Variants in FAM186B observed in about 807,000 individuals in gnomAD.
FAM186B encodes the protein family with sequence similarity 186 member B.
FAM186B carries 68 observed loss-of-function variants against 83.4 expected under a neutral mutation model. That is an observed-to-expected ratio of 0.81 (90% CI 0.67 to 1.00). The LOEUF is 1.00. Ranked by LOEUF, FAM186B falls within the 50% of genes least tolerant of loss-of-function variation. The pLI, the probability that FAM186B is intolerant of heterozygous loss-of-function variation, is 0.00. For missense variants in FAM186B, 983 were observed against 1,099.2 expected (o/e 0.89, Z 1.49); for synonymous variants, 389 against 422.0 (o/e 0.92, Z 0.96).
chr12:49,612,449 G>A, the FAM186B span, among the ~76,000 whole-genome samples: 23 of 151,336 alleles, frequency 1.5e-4, no homozygotes, highest in Non-Finnish European at 2.8e-4. Flanking sequence ...TGACCCATGG[G>A]CTGCATGTGG....
chr12:49,598,720 G>A, intron 5 of FAM186B, 35 bp downstream of exon 5: 1 of 1,534,506 alleles, frequency 6.5e-7, no homozygotes, highest in Non-Finnish European at 8.8e-7. Context: ...ACCCCAGGAG[G>A]CGGAGTGGCG....
At chr12:49,584,197 T>C (rs1046470287), downstream of FAM186B, 31 of 342,106 alleles carry the variant, frequency 9.1e-5, no homozygotes, top group African/African-American at 6.2e-4. Flanking sequence ...CTCGGCATGT[T>C]TGCTCCCAAA....
chr12:49,609,343 C>G (rs1294352947), upstream of FAM186B, among the ~76,000 whole-genome samples: 1 of 152,190 alleles, frequency 6.6e-6, no homozygotes, highest in Non-Finnish European at 1.5e-5. Context: ...GATCAGCAGC[C>G]TGAGCTGCCC....
chr12:49,598,364 G>A (rs1939775749), intron 5 of FAM186B, among the ~76,000 whole-genome samples: 1 of 152,196 alleles, frequency 6.6e-6, no homozygotes. Context: ...TGTGCACCAA[G>A]CCTGGAGAGC....
At chr12:49,587,490 C>A (rs970104085), downstream of FAM186B, 7 of 1,436,936 alleles carry the variant, frequency 4.9e-6, no homozygotes, top group Admixed American at 1.0e-4. Context: ...TGTGGGATAG[C>A]AAATGAGGTC....
At chr12:49,609,705 C>A (rs1319705118), upstream of FAM186B, among the ~76,000 whole-genome samples, 2 of 152,196 alleles carry the variant, frequency 1.3e-5, no homozygotes, top group Non-Finnish European at 2.9e-5. Flanking sequence ...GAACTTGGGG[C>A]CAAGGAGGTT....
the FAM186B span, chr12:49,619,338 C>CTG: frequency 2.7e-6 from 1 of 367,984 alleles, no homozygotes; most frequent in Non-Finnish European, 4.9e-6. Context: ...ATCACTGTGT[C>CTG]AACAAATACA....
Position 49,599,546 on chromosome 12 carries a change from G to A in FAM186B, c.2094C>T (p.Thr698=), listed in dbSNP as rs772671883. 9.9e-6 allele frequency: 16 copies of A among 1,610,158 alleles called. No homozygotes were observed. Among genetic ancestry groups the A allele is most frequent in the South Asian group, 8.8e-5 (8 of 90,474 alleles). ...LRSKALELTT[T]TMELGALRLQ... ...GCCTGAGCGCGCCCAGCTCCATGGT[G>A]GTGGTGGTGAGCTCCAGTGCTTTGC... is the stretch of plus-strand genomic sequence containing the variant. The change falls in exon 4 of 7, where the codon ACC becomes ACT. Residue 698 remains threonine (T), a synonymous_variant. Transcript: ENST00000257894.
rs1372000919 is a variant in FAM186B at position 49,600,851 on chromosome 12, G to C, written c.789C>G (p.His263Gln). Residue 263 changes from histidine to glutamine, a missense_variant, in exon 4 of 7, where the codon CAC becomes CAG. Physicochemically the swap from His to Gln is conservative, Grantham distance 24. Transcript: ENST00000257894. This position sits in a 1 kb window ranked among gnomAD's most constrained non-coding sequence, Gnocchi z 4.3. ...GCTCTTTGGTCGCCTGCATTTGCAGGTGCCTGTATTTGGTCTCCAGGCTCC... is the reference window on the plus strand; with the variant it reads ...GCTCTTTGGTCGCCTGCATTTGCAGCTGCCTGTATTTGGTCTCCAGGCTCC... ...ENRSLETKYR[H>Q]LQMQATKELS... The C allele has an allele frequency of 1.2e-6, 2 of 1,612,784 alleles. No individual in the cohort carries two copies. The highest frequency in any genetic ancestry group is 3.4e-5 in the Admixed American group (2 of 59,690).
downstream of FAM186B, among the ~76,000 whole-genome samples, chr12:49,587,043 C>T (rs1367111197): frequency 2.0e-5 from 3 of 152,160 alleles, no homozygotes; most frequent in Non-Finnish European, 4.4e-5. Flanking sequence ...TTAAAAGAGC[C>T]TTGAGCCTCC....
the FAM186B span, among the ~76,000 whole-genome samples, chr12:49,617,573 T>TA: frequency 2.6e-5 from 4 of 152,162 alleles, no homozygotes; most frequent in African/African-American, 4.8e-5. Flanking sequence ...TTAGTACACA[T>TA]TTACATTATA....
At chr12:49,589,467 C>T (rs1939528972) in intron 5 of FAM186B, among the ~76,000 whole-genome samples, 1 of 152,200 alleles carries the variant, frequency 6.6e-6, no homozygotes, top group Admixed American at 6.5e-5. Context: ...AGATCCCATA[C>T]TCATGGGTGG....
chr12:49,613,444 A>G, the FAM186B span, among the ~76,000 whole-genome samples: 1 of 151,390 alleles, frequency 6.6e-6, no homozygotes, highest in East Asian at 1.9e-4. Context: ...GGAGAATGGC[A>G]TGAACCTGGG....
At chr12:49,593,456 G>A (rs543286399) in intron 5 of FAM186B, among the ~76,000 whole-genome samples, 5 of 151,960 alleles carry the variant, frequency 3.3e-5, no homozygotes, top group East Asian at 1.9e-4. Flanking sequence ...CCAACATGGC[G>A]AACCCCGTCT....
In FAM186B at chr12:49,599,810, AG is replaced by A; in HGVS notation, c.1829del (p.Pro610LeufsTer2). ...TGTAGGTAAACTCCACTGAACTCAT[AG>A]GTCTCTGCTTTCCCAGGGCAGGCTG... ...TQQPALGKQR[P>X]MSSVEFTYRP... On this transcript the variant is annotated frameshift_variant, in exon 4 of 7. Transcript: ENST00000257894. LOFTEE classifies it high-confidence loss of function. 1.2e-6 allele frequency: 2 copies of A among 1,613,048 alleles called. No homozygotes were observed. Among genetic ancestry groups the A allele is most frequent in the Non-Finnish European group, 1.7e-6 (2 of 1,179,430 alleles).
chr12:49,613,119 A>C, the FAM186B span, among the ~76,000 whole-genome samples: 1 of 152,144 alleles, frequency 6.6e-6, no homozygotes, highest in Non-Finnish European at 1.5e-5. Context: ...TAAACAACTT[A>C]CTCCTGAATG....
At chr12:49,619,032 C>T in the FAM186B span, among the ~76,000 whole-genome samples, 2 of 152,234 alleles carry the variant, frequency 1.3e-5, no homozygotes, top group African/African-American at 4.8e-5. Flanking sequence ...TCAGACTTCT[C>T]ATTCTCCACA....
In FAM186B at chr12:49,600,703, C is replaced by A; in HGVS notation, c.937G>T (p.Ala313Ser). 1 of 1,614,168 alleles carries A rather than the reference C, an allele frequency of 6.2e-7. No individual in the cohort carries two copies. The highest frequency in any genetic ancestry group is 2.2e-5 in the East Asian group (1 of 44,880). The change falls in exon 4 of 7, where the codon GCC (alanine) becomes TCC (serine). Residue 313 changes from alanine (A) to serine (S), a missense_variant. Ala to Ser is a moderately conservative substitution (Grantham distance 99, BLOSUM62 1). Coordinates refer to ENST00000257894, the MANE Select transcript of FAM186B (RefSeq NM_032130.3). This position sits in a 1 kb window ranked among gnomAD's most constrained non-coding sequence, Gnocchi z 4.3. The part of the protein sequence containing the change: ...RYHDLLLMKQ[A>S]LEFQLKKAQN... ...GCCTTCTTCAGCTGGAACTCCAAGG[C>A]CTGCTTCATCAGGAGAAGGTCATGG...
chr12:49,613,945 T>C, the FAM186B span, among the ~76,000 whole-genome samples: 4 of 151,998 alleles, frequency 2.6e-5, no homozygotes, highest in African/African-American at 9.7e-5. Context: ...GGTCAGGAGT[T>C]CAAGACCAGC....
Sources: allele counts gnomAD v4.1 joint callset (sites outside exome capture counted in the v4.1 genomes callset), GRCh38; gene constraint gnomAD v4.1.1; non-coding constraint Gnocchi (gnomAD v3.1); transcripts MANE v1.5; gene names NCBI Gene and HGNC (gene_info 2026-07-23, HGNC 2026-07-21).